The following CDC25C variants were observed in gnomAD, a reference collection of about 807,000 sequenced individuals.
CDC25C encodes the protein cell division cycle 25C, also known as M-phase inducer phosphatase 3.
A neutral mutation model predicts 52.5 loss-of-function variants in CDC25C; 48 were observed. The observed-to-expected ratio is 0.91, with a 90% CI of 0.72 to 1.16. CDC25C has a LOEUF of 1.16. Ranked by LOEUF, CDC25C falls within the 50% of genes most tolerant of loss-of-function variation. The pLI is 0.00. For synonymous variants in CDC25C, 187 were observed against 206.5 expected (o/e 0.91, Z 0.81); for missense variants, 510 against 566.1 (o/e 0.90, Z 1.01).
rs771266582 is a variant in CDC25C, at chr5:138,290,638, C to G, written c.864+1G>C. The G allele has an allele frequency of 1.3e-6, 2 of 1,568,788 alleles. No homozygotes were observed. Among genetic ancestry groups the G allele is most frequent in the African/African-American group, 2.7e-5 (2 of 74,026 alleles). On this transcript the variant is annotated splice_donor_variant, in intron 9 of 13. Transcript: ENST00000323760. LOFTEE classifies it high-confidence loss of function. ...TACAGGATGGGTGTAGCCAAACTCA[C>G]CTTGGAAAAATCACCAATCAGGTGC...
chr5:138,315,222 C>T (rs1357611080), intron 7 of CDC25C, among the ~76,000 whole-genome samples: 3 of 152,166 alleles, frequency 2.0e-5, no homozygotes, highest in African/African-American at 7.2e-5. Context: ...CACGCCCAGC[C>T]TCCTATAATT....
exon 1 of CDC25C, chr5:138,338,109 C>T (rs1326652879): frequency 3.1e-6 from 4 of 1,289,670 alleles, no homozygotes; most frequent in African/African-American, 1.5e-5. Context: ...ACAGCGCTGT[C>T]CGAGAGACAC....
intron 7 of CDC25C, among the ~76,000 whole-genome samples, chr5:138,303,329 G>A (rs193005738): frequency 6.6e-6 from 1 of 152,276 alleles, no homozygotes; most frequent in African/African-American, 2.4e-5. Flanking sequence ...GGGAAAATTG[G>A]TAATATAGGA....
In CDC25C at chr5:138,286,635, A is replaced by G. The variant is rs1756263940; in HGVS notation, c.1027-5T>C. 6.2e-7 allele frequency: 1 copy of G among 1,606,788 alleles called. No homozygotes were observed. Among genetic ancestry groups the G allele is most frequent in the African/African-American group, 1.3e-5 (1 of 74,536 alleles). ...ACTATATAAGTTTAAGGCTCCCTGTAGAAGAAGAATTTTAGTAAGTATTTC... is the reference window on the plus strand; with the variant it reads ...ACTATATAAGTTTAAGGCTCCCTGTGGAAGAAGAATTTTAGTAAGTATTTC... On this transcript the variant is annotated splice_region_variant and splice_polypyrimidine_tract_variant and intron_variant, in intron 11 of 13. Coordinates refer to ENST00000323760, the MANE Select transcript of CDC25C (RefSeq NM_001790.5).
At chr5:138,329,079 AT>A (rs1484981392) in intron 3 of CDC25C, among the ~76,000 whole-genome samples, 2 of 151,982 alleles carry the variant, frequency 1.3e-5, no homozygotes, top group Non-Finnish European at 2.9e-5. Context: ...TAACTTTTGT[AT>A]TTTTAGTAGA....
At chr5:138,314,775 ATT>A (rs1297814916) in intron 7 of CDC25C, among the ~76,000 whole-genome samples, 7 of 129,400 alleles carry the variant, frequency 5.4e-5, no homozygotes, top group Admixed American at 2.4e-4. Context: ...CACCTGGCTA[ATT>A]TTTTTTTTTT....
intron 7 of CDC25C, among the ~76,000 whole-genome samples, chr5:138,311,197 C>T (rs559183453): frequency 6.6e-6 from 1 of 152,212 alleles, no homozygotes; most frequent in Admixed American, 6.5e-5. Flanking sequence ...GTTCTTTGTC[C>T]CAAAGAGCAA....
chr5:138,319,233 C>T lies in CDC25C; in HGVS notation c.601G>A (p.Asp201Asn). The stretch of plus-strand genomic sequence containing the variant: ...GAACACTTTACCTTTGCTTCTTGAT[C>T]TTTCAGGGAAAACTCCATTAATTCA... ...SDELMEFSLK[D>N]QEAKVSRSGL... The change falls in exon 7 of 14, where the codon GAT becomes AAT. Residue 201 changes from aspartate (D) to asparagine (N), a missense_variant. Coordinates refer to ENST00000323760, the MANE Select transcript of CDC25C (RefSeq NM_001790.5). 1 of 1,612,776 alleles carries T rather than the reference C, an allele frequency of 6.2e-7. No homozygotes were observed. Among genetic ancestry groups the T allele is most frequent in the Non-Finnish European group, 8.5e-7 (1 of 1,179,432 alleles).
Position 138,285,969 on chromosome 5 carries a change from G to A in CDC25C, c.1272+53C>T, listed in dbSNP as rs949184054. On this transcript the variant is annotated intron_variant, in intron 13 of 13. Transcript: ENST00000323760. Reference sequence around the variant, plus strand: ...AGTTTCTTCTCTGAAGGCTTTGCAGGCCCTGGGAGTTGAGTTGTTAAAGTT... The same window carrying A: ...AGTTTCTTCTCTGAAGGCTTTGCAGACCCTGGGAGTTGAGTTGTTAAAGTT... The A allele has an allele frequency of 3.3e-6, 5 of 1,535,878 alleles. No homozygotes were observed. The African/African-American group carries it at 6.8e-5, about 21-fold the overall frequency.
At chr5:138,293,401 C>T (rs969702813) in intron 7 of CDC25C, among the ~76,000 whole-genome samples, 6 of 152,032 alleles carry the variant, frequency 3.9e-5, no homozygotes, top group South Asian at 2.1e-4. Context: ...GTCAAGGCCA[C>T]GAAGCCAGTG....
At chr5:138,322,680 T>C (rs1443428044) in intron 6 of CDC25C, among the ~76,000 whole-genome samples, 2 of 151,188 alleles carry the variant, frequency 1.3e-5, no homozygotes, top group Non-Finnish European at 3.0e-5. Context: ...TTTCACCATG[T>C]TAGCCAGAAT....
At chr5:138,334,550 C>T (rs1330762740), upstream of CDC25C, among the ~76,000 whole-genome samples, 1 of 151,862 alleles carries the variant, frequency 6.6e-6, no homozygotes, top group Non-Finnish European at 1.5e-5. Flanking sequence ...CAGGGTTTCG[C>T]TGTGTTGGCC....
At chr5:138,306,829 A>T (rs1394429100) in intron 7 of CDC25C, among the ~76,000 whole-genome samples, 1 of 149,112 alleles carries the variant, frequency 6.7e-6, no homozygotes, top group Non-Finnish European at 1.5e-5. Flanking sequence ...ACAAAAAAAA[A>T]TCCCTATTCC....
chr5:138,286,795 G>A (rs1166897130), intron 11 of CDC25C, among the ~76,000 whole-genome samples, 165 bp from the exon 12 acceptor site: 3 of 152,136 alleles, frequency 2.0e-5, no homozygotes, highest in Non-Finnish European at 4.4e-5. Context: ...TACCCTGAAC[G>A]CCTGGCATAG....
chr5:138,310,207 C>T (rs770638089), intron 7 of CDC25C, among the ~76,000 whole-genome samples: 1 of 152,170 alleles, frequency 6.6e-6, no homozygotes, highest in East Asian at 1.9e-4. Context: ...AATCTTCAAC[C>T]CTTACTATCA....
chr5:138,292,228 G>A (rs1756793590), intron 7 of CDC25C, 112 bp from the exon 8 acceptor site: 2 of 771,538 alleles, frequency 2.6e-6, no homozygotes, highest in Non-Finnish European at 4.1e-6. Flanking sequence ...CAGATGTTAG[G>A]CCACACCCCA....
intron 12 of CDC25C, 45 bp downstream of exon 12, chr5:138,286,452 C>G (rs1190637325): frequency 6.3e-7 from 1 of 1,577,008 alleles, no homozygotes; most frequent in Non-Finnish European, 8.6e-7. Flanking sequence ...AAGTCCAACT[C>G]AAAATCCATT....
intron 4 of CDC25C, 148 bp downstream of exon 4, chr5:138,328,336 A>C (rs1407480573): frequency 3.1e-6 from 2 of 638,968 alleles, no homozygotes; most frequent in African/African-American, 3.6e-5. Context: ...GAAAACTTAG[A>C]AACTGTTCAA....
intron 2 of CDC25C, among the ~76,000 whole-genome samples, chr5:138,330,491 G>A (rs1760275986): frequency 6.6e-6 from 1 of 152,108 alleles, no homozygotes; most frequent in South Asian, 2.1e-4. Flanking sequence ...AAGATAGGAA[G>A]CGATTATTAT....
Sources: gnomAD v4.1 joint callset for allele counts (sites outside exome capture counted in the v4.1 genomes callset) on GRCh38, gnomAD v4.1.1 for gene constraint, MANE v1.5 for transcripts, NCBI Gene and HGNC (gene_info 2026-07-23, HGNC 2026-07-21) for gene names.